The following SORCS3 variants were observed in gnomAD, a reference collection of about 807,000 sequenced individuals.
The protein encoded by SORCS3 is VPS10 domain-containing receptor SorCS3.
In SORCS3, 57 loss-of-function variants were observed where a neutral mutation model predicts 146.3. The ratio of observed to expected loss-of-function variants is 0.39; its 90% CI spans 0.31 to 0.49. SORCS3 has a LOEUF of 0.49. SORCS3 is among the 20% of genes least tolerant of loss of function. The pLI is 0.92. For synonymous variants in SORCS3, 653 were observed against 618.5 expected, an observed-to-expected ratio of 1.06 and a Z score of -0.83; for missense variants, 1,341 against 1,575.5, an observed-to-expected ratio of 0.85 and a Z score of 2.52.
chr10:104,928,429 T>C (rs2019171935), intron 3 of SORCS3, among the ~76,000 whole-genome samples: 1 of 152,192 alleles, frequency 6.6e-6, no homozygotes, highest in African/African-American at 2.4e-5. Flanking sequence ...TTCTTCCTCA[T>C]GTTCCAATGC....
In SORCS3 at chr10:105,236,320, T is replaced by C. The variant is rs189393615; in HGVS notation, c.2869-9222T>C. 1.5e-3 allele frequency among the ~76,000 whole-genome samples: 224 copies of C among 152,274 alleles called. 1 individual carries two copies. Among genetic ancestry groups the C allele is most frequent in the Middle Eastern group, 6.8e-3 (2 of 294 alleles). On this transcript the variant is annotated intron_variant, in intron 20 of 26. Coordinates refer to ENST00000369701, the MANE Select transcript of SORCS3 (RefSeq NM_014978.3). Reference sequence around the variant, plus strand: ...ATGCACTCTCCCCAGTCCCAGATGCTTTAGCTGCACTACTAGAGGTGTTTA... The same window carrying C: ...ATGCACTCTCCCCAGTCCCAGATGCCTTAGCTGCACTACTAGAGGTGTTTA...
intron 1 of SORCS3, among the ~76,000 whole-genome samples, chr10:104,752,681 T>A (rs2017002635): frequency 6.6e-6 from 1 of 152,206 alleles, no homozygotes; most frequent in Non-Finnish European, 1.5e-5. Context: ...CTTCCTTTCA[T>A]CAGCGCTTGA....
chr10:105,156,232 C>T (rs1434645105), intron 9 of SORCS3, among the ~76,000 whole-genome samples: 2 of 152,138 alleles, frequency 1.3e-5, no homozygotes, highest in African/African-American at 4.8e-5. Context: ...TTGCTATTTG[C>T]CTTTGAAACA....
chr10:104,718,414 C>T (rs1212724384), intron 1 of SORCS3, among the ~76,000 whole-genome samples: 1 of 152,166 alleles, frequency 6.6e-6, no homozygotes, highest in African/African-American at 2.4e-5. Flanking sequence ...AGGGCTCTGA[C>T]CTTCATGACA....
chr10:105,020,543 A>G (rs1206620356), intron 4 of SORCS3, among the ~76,000 whole-genome samples: 2 of 151,998 alleles, frequency 1.3e-5, no homozygotes, highest in African/African-American at 2.4e-5. Context: ...GTTTCACACT[A>G]TGGTAAATTA....
At chr10:104,698,687 C>T (rs1211268500) in intron 1 of SORCS3, among the ~76,000 whole-genome samples, 1 of 152,126 alleles carries the variant, frequency 6.6e-6, no homozygotes. Flanking sequence ...TAACTCTAGG[C>T]TGGACATAGA....
chr10:104,794,622 G>GGAGAGAGAGAGAGAGAGAGA (rs371695559), intron 1 of SORCS3, among the ~76,000 whole-genome samples: 6 of 41,380 alleles, frequency 1.4e-4, no homozygotes, highest in South Asian at 8.3e-4. Flanking sequence ...AGAGAGGGAG[G>GGAGAGAGAGAGAGAGAGAGA]GAGAGAGAGA....
chr10:104,944,294 C>T (rs1012062984), intron 3 of SORCS3, among the ~76,000 whole-genome samples: 4 of 152,102 alleles, frequency 2.6e-5, no homozygotes, highest in African/African-American at 9.7e-5. Context: ...ATCTTCATGA[C>T]TTCTGTATGG....
chr10:105,159,391 G>T (rs1282340752), intron 11 of SORCS3, among the ~76,000 whole-genome samples: 2 of 152,188 alleles, frequency 1.3e-5, no homozygotes, highest in Non-Finnish European at 2.9e-5. Flanking sequence ...TCTTTACAAA[G>T]GGTTCCATCC....
chr10:104,697,118 A>G (rs960308641), intron 1 of SORCS3, among the ~76,000 whole-genome samples: 6 of 152,068 alleles, frequency 3.9e-5, no homozygotes, highest in East Asian at 3.8e-4. Flanking sequence ...GAAAATATTC[A>G]ATTTTTGTTT....
intron 1 of SORCS3, among the ~76,000 whole-genome samples, chr10:104,738,596 A>G (rs796662287): frequency 1.1e-4 from 17 of 152,166 alleles, no homozygotes; most frequent in African/African-American, 3.9e-4. Flanking sequence ...ACAGATCTTT[A>G]TGGGTTCCGT....
chr10:105,056,522 G>A (rs2055447114), intron 5 of SORCS3, among the ~76,000 whole-genome samples: 1 of 152,166 alleles, frequency 6.6e-6, no homozygotes, highest in African/African-American at 2.4e-5. Context: ...TGGTAATAGA[G>A]GACATTCATC....
rs1398608564 is a variant in SORCS3 at position 104,696,673 on chromosome 10, AAC to A, written c.627+54721_627+54722del. Among the ~76,000 whole-genome samples the A allele has an allele frequency of 1.2e-3, 11 of 9,156 alleles. 1 individual carries two copies. The East Asian group carries it at 0.024, about 20-fold the overall frequency. The allele number at this position is 9,156 out of a possible 152,430, so 6.0% of individuals were successfully genotyped here. A position where few individuals can be genotyped will look rare whatever the true frequency, so the allele number is the denominator to read the frequency against. On this transcript the variant is annotated intron_variant, in intron 1 of 26. Transcript: ENST00000369701. The stretch of plus-strand genomic sequence containing the variant: ...TATTATATACGTATATATAATATAT[AAC>A]ATATATAATATATAATATATATTAT...
chr10:105,131,024 C>T (rs1013653486), intron 7 of SORCS3, among the ~76,000 whole-genome samples: 4 of 152,142 alleles, frequency 2.6e-5, no homozygotes, highest in Non-Finnish European at 5.9e-5. Context: ...TAGGGCCAGA[C>T]TGACATGTAT....
At chr10:105,231,567 G>A (rs1192166275) in intron 20 of SORCS3, among the ~76,000 whole-genome samples, 1 of 152,192 alleles carries the variant, frequency 6.6e-6, no homozygotes, top group Non-Finnish European at 1.5e-5. Flanking sequence ...AAGAAGTGGT[G>A]AGAGGGAACG....
intron 4 of SORCS3, among the ~76,000 whole-genome samples, chr10:104,993,015 A>T (rs1005503336): frequency 3.3e-5 from 5 of 152,200 alleles, no homozygotes; most frequent in African/African-American, 1.2e-4. Flanking sequence ...GGGAAAAATT[A>T]TCGAGTGATT....
intron 3 of SORCS3, among the ~76,000 whole-genome samples, chr10:104,938,837 C>T (rs369395244): frequency 6.9e-4 from 105 of 152,292 alleles, no homozygotes; most frequent in Middle Eastern, 3.4e-3. Flanking sequence ...CGGGGGAAGC[C>T]GTGATGCAGG....
At chr10:105,195,363 A>T (rs765317745) in intron 14 of SORCS3, among the ~76,000 whole-genome samples, 1 of 152,116 alleles carries the variant, frequency 6.6e-6, no homozygotes, top group East Asian at 1.9e-4. Flanking sequence ...AATCAAGAGG[A>T]CCTTCTCAGT....
intron 13 of SORCS3, among the ~76,000 whole-genome samples, chr10:105,175,697 G>A (rs549519123): frequency 6.6e-6 from 1 of 152,218 alleles, no homozygotes; most frequent in African/African-American, 2.4e-5. Context: ...CTTTCTTGGG[G>A]CTAGTTTAAA....
Sources: gnomAD v4.1 joint callset for allele counts (sites outside exome capture counted in the v4.1 genomes callset) on GRCh38, gnomAD v4.1.1 for gene constraint, MANE v1.5 for transcripts, NCBI Gene and HGNC (gene_info 2026-07-23, HGNC 2026-07-21) for gene names.